RGP1: variants seen among roughly 807,000 people sequenced by gnomAD.
The protein encoded by RGP1 is RGP1 partner of RAB6A GEF complex.
Under a neutral mutation model 44.5 loss-of-function variants are expected in RGP1, and 28 were observed. That is an observed-to-expected ratio of 0.63 (90% CI 0.47 to 0.86). The LOEUF (loss-of-function observed/expected upper bound fraction) is 0.86, where lower values mean the gene tolerates loss of function less well. RGP1 is among the 40% of genes least tolerant of loss of function. The probability of loss-of-function intolerance (pLI) is 0.00; values close to 1 mark genes in which losing one functional copy is unlikely to be tolerated. For synonymous variants in RGP1, 212 were observed against 196.7 expected, an observed-to-expected ratio of 1.08 and a Z score of -0.65; for missense variants, 417 against 490.7, an observed-to-expected ratio of 0.85 and a Z score of 1.42.
In RGP1 at chr9:35,752,738, C is replaced by T; in HGVS notation, c.1040C>T (p.Pro347Leu). The change falls in exon 9 of 9, where the codon CCT becomes CTT. Residue 347 changes from proline (P) to leucine (L), a missense_variant. Transcript: ENST00000378078. ...CTACCCCCTGTGGAACAGCCCGAAC[C>T]TACCACCTGGACAGGACCTGAGCAA... ...VLLPPVEQPE[P>L]TTWTGPEQVP... 1 of 1,613,840 alleles carries T rather than the reference C, an allele frequency of 6.2e-7. No individual in the cohort carries two copies. Among genetic ancestry groups the T allele is most frequent in the Non-Finnish European group, 8.5e-7 (1 of 1,179,814 alleles).
At chr9:35,768,445 A>G in the RGP1 span, among the ~76,000 whole-genome samples, 4 of 152,144 alleles carry the variant, frequency 2.6e-5, no homozygotes, top group Admixed American at 6.5e-5. Flanking sequence ...GGCATTCCCT[A>G]TGTGCAACAG....
chr9:35,763,111 C>T (rs1192519689), downstream of RGP1, among the ~76,000 whole-genome samples: 2 of 152,230 alleles, frequency 1.3e-5, no homozygotes, highest in Non-Finnish European at 2.9e-5. Flanking sequence ...CTCATTTCTT[C>T]TAATTTACTA....
In RGP1 at chr9:35,757,848, T is replaced by C. The variant is rs1827381073; in HGVS notation, c.*4974T>C. The C allele has an allele frequency of 6.6e-6, 1 of 152,246 alleles. No individual in the cohort carries two copies. The highest frequency in any genetic ancestry group is 1.5e-5 in the Non-Finnish European group (1 of 68,042). 9.4% of individuals were successfully genotyped at this position (152,246 alleles called of 1,614,324 possible). ...AAAAAATTTGGCACTGATCTGCACA[T>C]TTTTATAGTCATTTAAAATTGTATG... On this transcript the variant is annotated 3_prime_UTR_variant, in exon 9 of 9. Transcript: ENST00000378078.
In RGP1 at chr9:35,750,822, C is replaced by T. The variant is rs1282851946; in HGVS notation, c.338-18C>T. On this transcript the variant is annotated intron_variant, in intron 4 of 8. Coordinates refer to ENST00000378078, the MANE Select transcript of RGP1 (RefSeq NM_001080496.3). ...CCTCTGGTGCCTCTGGCTGTCCTGA[C>T]AACTACTTCCCAACCAGACTCCTAC... is the stretch of plus-strand genomic sequence containing the variant. 6.2e-7 allele frequency: 1 copy of T among 1,613,812 alleles called. No homozygotes were observed. The highest frequency in any genetic ancestry group is 8.5e-7 in the Non-Finnish European group (1 of 1,179,842).
At chr9:35,773,939 G>A in the RGP1 span, among the ~76,000 whole-genome samples, 1 of 152,064 alleles carries the variant, frequency 6.6e-6, no homozygotes, top group African/African-American at 2.4e-5. Flanking sequence ...CCAGTGTTGG[G>A]GTTGCAGGTG....
At position 35,757,043 on chromosome 9, in the gene RGP1, C is replaced by G. The variant is rs908000734; in HGVS notation, c.*4169C>G. On this transcript the variant is annotated 3_prime_UTR_variant, in exon 9 of 9. Coordinates refer to ENST00000378078, the MANE Select transcript of RGP1 (RefSeq NM_001080496.3). ...GGCGCGGTGGCTGGCGCGCAGGTCC[C>G]GGAGGGGGCGGCTGGCGCGCACTAC... is the stretch of plus-strand genomic sequence containing the variant. 1 of 152,174 alleles carries G rather than the reference C, an allele frequency of 6.6e-6. No individual in the cohort carries two copies. The highest frequency in any genetic ancestry group is 6.5e-5 in the Admixed American group (1 of 15,272). 9.4% of individuals were successfully genotyped at this position (152,174 alleles called of 1,614,324 possible). A position where few individuals can be genotyped will look rare whatever the true frequency, so the allele number is the denominator to read the frequency against.
the RGP1 span, among the ~76,000 whole-genome samples, chr9:35,775,856 C>T: frequency 5.9e-5 from 9 of 152,138 alleles, no homozygotes; most frequent in Non-Finnish European, 8.8e-5. Context: ...TTGGATATGA[C>T]GGACCCCTAA....
At position 35,750,699 on chromosome 9, in the gene RGP1, C is replaced by A. The variant is rs769510656; in HGVS notation, c.295C>A (p.Leu99Ile). The A allele has an allele frequency of 6.2e-7, 1 of 1,613,994 alleles. No individual in the cohort carries two copies. The highest frequency in any genetic ancestry group is 1.7e-5 in the Admixed American group (1 of 60,022). ...TATCCTTTCTACTCCACCGAAAATT[C>A]TATTCTGTGACCTGAGGCTTGATCC... ...QCILSTPPKI[L>I]FCDLRLDPGE... The change falls in exon 4 of 9, where the codon CTA becomes ATA. Residue 99 changes from leucine to isoleucine, a missense_variant. Leu to Ile is a conservative substitution (Grantham distance 5). Coordinates refer to ENST00000378078, the MANE Select transcript of RGP1 (RefSeq NM_001080496.3).
At chr9:35,779,023 T>C in the RGP1 span, among the ~76,000 whole-genome samples, 1 of 152,316 alleles carries the variant, frequency 6.6e-6, no homozygotes, top group South Asian at 2.1e-4. Context: ...AACCTTCCCT[T>C]CATTTCAATA....
Position 35,757,938 on chromosome 9 carries a change from G to A in RGP1, c.*5064G>A, listed in dbSNP as rs963947525. The A allele has an allele frequency of 6.6e-5, 10 of 152,340 alleles. 1 individual carries two copies. The highest frequency in any genetic ancestry group is 2.4e-4 in the African/African-American group (10 of 41,572). 9.4% of individuals were successfully genotyped at this position (152,340 alleles called of 1,614,324 possible). ...AAAATAAAAAAATAAAAATAGAAAA[G>A]TTGCACAATCTAATTCAATATTTGA... On this transcript the variant is annotated 3_prime_UTR_variant, in exon 9 of 9. Transcript: ENST00000378078.
the RGP1 span, among the ~76,000 whole-genome samples, chr9:35,778,758 T>G: frequency 6.6e-6 from 1 of 152,236 alleles, no homozygotes. Flanking sequence ...GGCTTGTTAA[T>G]CTGGGATCCT....
Position 35,753,665 on chromosome 9 carries a change from A to T in RGP1, c.*791A>T. On this transcript the variant is annotated 3_prime_UTR_variant, in exon 9 of 9. Coordinates refer to ENST00000378078, the MANE Select transcript of RGP1 (RefSeq NM_001080496.3). The surrounding 1 kb of genome is among the most constrained non-coding windows in gnomAD (Gnocchi z 4.2). ...GGCCATCTTTGGTCACTCACGTGTC[A>T]CAGCAGCCCACGCCAACAGGATGCA... 1 of 1,613,608 alleles carries T rather than the reference A, an allele frequency of 6.2e-7. No individual in the cohort carries two copies. Among genetic ancestry groups the T allele is most frequent in the Non-Finnish European group, 8.5e-7 (1 of 1,179,606 alleles).
chr9:35,775,966 G>A, the RGP1 span, among the ~76,000 whole-genome samples: 5 of 152,134 alleles, frequency 3.3e-5, no homozygotes, highest in East Asian at 1.9e-4. Flanking sequence ...GGGGATTTTG[G>A]AGCCTGTTTA....
Position 35,749,670 on chromosome 9 carries a change from T to A in RGP1, c.-19-67T>A. On this transcript the variant is annotated intron_variant, in intron 1 of 8. Transcript: ENST00000378078. The surrounding 1 kb of genome is among the most constrained non-coding windows in gnomAD (Gnocchi z 4.4). ...CACCCCTGTCCTCAGCCCTCAGCCC[T>A]AGGTGCTCACCGCAACGCCCCTCCC... is the stretch of plus-strand genomic sequence containing the variant. 2.2e-6 allele frequency: 2 copies of A among 917,594 alleles called. No homozygotes were observed. Among genetic ancestry groups the A allele is most frequent in the Non-Finnish European group, 3.5e-6 (2 of 568,606 alleles). The allele number at this position is 917,594 out of a possible 1,614,324, so 56.8% of individuals were successfully genotyped here.
At chr9:35,765,407 A>G in the RGP1 span, among the ~76,000 whole-genome samples, 1 of 152,230 alleles carries the variant, frequency 6.6e-6, no homozygotes, top group Non-Finnish European at 1.5e-5. Context: ...CTGTAATCCC[A>G]GCACTTTGGG....
chr9:35,763,132 G>A (rs1588039336), downstream of RGP1, among the ~76,000 whole-genome samples: 2 of 152,150 alleles, frequency 1.3e-5, no homozygotes, highest in African/African-American at 4.8e-5. Flanking sequence ...TTCTGTATTA[G>A]CCACTTAACT....
rs1293271899 is a variant in RGP1, at chr9:35,750,288, T to C, written c.162T>C (p.His54=). ...WASAQIHCQF[H]ASESRVALPP... ...GTGCCCAAATCCACTGCCAGTTCCA[T>C]GCCAGTGAGAGTCGAGTAGCACTGC... Residue 54 remains histidine (H), a synonymous_variant, in exon 3 of 9, where the codon CAT becomes CAC. Transcript: ENST00000378078. The C allele has an allele frequency of 1.9e-6, 3 of 1,613,830 alleles. No individual in the cohort carries two copies. Among genetic ancestry groups the C allele is most frequent in the Non-Finnish European group, 8.5e-7 (1 of 1,179,874 alleles).
intron 5 of RGP1, 44 bp downstream of exon 5, chr9:35,751,033 C>T: frequency 2.5e-6 from 4 of 1,605,338 alleles, no homozygotes; most frequent in Non-Finnish European, 1.7e-6. Context: ...AAGGGCGATG[C>T]CAAAGCAGAA....
Position 35,755,208 on chromosome 9 carries a change from G to C in RGP1, c.*2334G>C, listed in dbSNP as rs1393917288. Reference sequence around the variant, plus strand: ...AGCCTGTTTCCTCATCTATAAATTGGGGATAGTAATGCCAACTCATTGGGC... The same window carrying C: ...AGCCTGTTTCCTCATCTATAAATTGCGGATAGTAATGCCAACTCATTGGGC... On this transcript the variant is annotated 3_prime_UTR_variant, in exon 9 of 9. Transcript: ENST00000378078. 1 of 152,192 alleles carries C rather than the reference G, an allele frequency of 6.6e-6. No individual in the cohort carries two copies. Among genetic ancestry groups the C allele is most frequent in the African/African-American group, 2.4e-5 (1 of 41,430 alleles). The allele number at this position is 152,192 out of a possible 1,614,324, so 9.4% of individuals were successfully genotyped here.
Sources: gnomAD v4.1 joint callset for allele counts (sites outside exome capture counted in the v4.1 genomes callset) on GRCh38, gnomAD v4.1.1 for gene constraint, Gnocchi (gnomAD v3.1) non-coding constraint, MANE v1.5 for transcripts, NCBI Gene and HGNC (gene_info 2026-07-23, HGNC 2026-07-21) for gene names.